RB1: variants seen among roughly 807,000 people sequenced by gnomAD.
RB1 encodes the protein RB transcriptional corepressor 1.
In RB1, 18 loss-of-function variants were observed where a neutral mutation model predicts 135.4. The ratio of observed to expected loss-of-function variants is 0.13; its 90% CI spans 0.09 to 0.20. The LOEUF (loss-of-function observed/expected upper bound fraction) is 0.20. Ranked by LOEUF, RB1 falls within the 10% of genes least tolerant of loss-of-function variation. The pLI, the probability that RB1 is intolerant of heterozygous loss-of-function variation, is 1.00. For synonymous variants in RB1, 365 were observed against 373.2 expected (o/e 0.98, Z 0.25); for missense variants, 868 against 1,110.0 (o/e 0.78, Z 3.10).
At chr13:48,411,208 C>A (rs1593479676) in intron 17 of RB1, 3 of 553,150 alleles carry the variant, frequency 5.4e-6, no homozygotes, top group Non-Finnish European at 3.2e-6. Flanking sequence ...GGAGTGGATA[C>A]ACAAATAAAA....
At position 48,315,674 on chromosome 13, in the gene RB1, T is replaced by C. The variant is rs7318438; in HGVS notation, c.264+8268T>C. 3.2e-3 allele frequency among the ~76,000 whole-genome samples: 487 copies of C among 152,334 alleles called. 2 individuals carry two copies. The highest frequency in any genetic ancestry group is 0.011 in the African/African-American group (457 of 41,576). On this transcript the variant is annotated intron_variant, in intron 2 of 26. Transcript: ENST00000267163. ...GCTGTGGATTTGTCATAGATGGCTC[T>C]TATTATTTTGAAGTATGTTCCTTCA...
At chr13:48,383,726 G>A (rs1177807509) in intron 17 of RB1, among the ~76,000 whole-genome samples, 1 of 151,926 alleles carries the variant, frequency 6.6e-6, no homozygotes, top group African/African-American at 2.4e-5. Flanking sequence ...ACTTGATAAG[G>A]AGTACTTAGA....
intron 17 of RB1, among the ~76,000 whole-genome samples, chr13:48,425,378 C>T (rs1949064944): frequency 6.6e-6 from 1 of 152,214 alleles, no homozygotes; most frequent in African/African-American, 2.4e-5. Context: ...CTCTGAATTC[C>T]TGGAAGATGT....
chr13:48,467,309 A>G (rs1406931899), intron 23 of RB1, among the ~76,000 whole-genome samples: 6 of 132,062 alleles, frequency 4.5e-5, no homozygotes, highest in African/African-American at 1.6e-4. Flanking sequence ...AGCCAAACTA[A>G]GCTTCATAAG....
chr13:48,424,659 C>T (rs1229648034), intron 17 of RB1, among the ~76,000 whole-genome samples: 3 of 152,152 alleles, frequency 2.0e-5, no homozygotes, highest in East Asian at 1.9e-4. Context: ...AATCATATCA[C>T]GTCTTTTCTA....
chr13:48,346,001 A>C (rs895527617), intron 4 of RB1, among the ~76,000 whole-genome samples: 4 of 151,118 alleles, frequency 2.6e-5, no homozygotes, highest in Non-Finnish European at 4.4e-5. Context: ...GTGGTGGAGG[A>C]TGAGAAAAAT....
chr13:48,456,178 A>C, intron 18 of RB1, 26 bp from the exon 19 acceptor site: 1 of 1,613,350 alleles, frequency 6.2e-7, no homozygotes, highest in Non-Finnish European at 8.5e-7. Context: ...ACTTGAAATG[A>C]AGACTTTTCC....
chr13:48,422,140 G>A (rs866561720), intron 17 of RB1, among the ~76,000 whole-genome samples: 2 of 152,124 alleles, frequency 1.3e-5, no homozygotes, highest in Non-Finnish European at 2.9e-5. Context: ...ATGATAGACA[G>A]GATAAAGAAA....
At chr13:48,417,304 A>C (rs1948928259) in intron 17 of RB1, 1 of 152,578 alleles carries the variant, frequency 6.6e-6, no homozygotes, top group Non-Finnish European at 1.5e-5. Context: ...GTGGACCTCC[A>C]GCAAATTCCA....
chr13:48,304,905 A>G (rs1490990042), intron 1 of RB1, among the ~76,000 whole-genome samples: 1 of 152,118 alleles, frequency 6.6e-6, no homozygotes, highest in Non-Finnish European at 1.5e-5. Context: ...TTGGCACAAA[A>G]TTAGTGGTTC....
chr13:48,347,600 C>CT (rs568539190), intron 4 of RB1, among the ~76,000 whole-genome samples: 59 of 151,430 alleles, frequency 3.9e-4, no homozygotes, highest in Non-Finnish European at 7.4e-4. Context: ...TTATTTATAC[C>CT]TTTTTTTTGA....
At chr13:48,475,530 G>T (rs769714828) in intron 24 of RB1, among the ~76,000 whole-genome samples, 1 of 152,244 alleles carries the variant, frequency 6.6e-6, no homozygotes, top group African/African-American at 2.4e-5. Context: ...TTTGCCCAGA[G>T]CAGGGACTCT....
At chr13:48,442,301 C>T (rs1593520710) in intron 17 of RB1, among the ~76,000 whole-genome samples, 1 of 152,032 alleles carries the variant, frequency 6.6e-6, no homozygotes, top group Non-Finnish European at 1.5e-5. Context: ...CCTGGGTTCA[C>T]GCCATTCTCC....
chr13:48,453,286 A>G (rs1260450689), intron 18 of RB1, among the ~76,000 whole-genome samples, 175 bp downstream of exon 18: 3 of 152,222 alleles, frequency 2.0e-5, no homozygotes, highest in Non-Finnish European at 4.4e-5. Context: ...CATATAAAAG[A>G]GTACAGAGTG....
At chr13:48,420,471 T>C (rs1303049806) in intron 17 of RB1, among the ~76,000 whole-genome samples, 1 of 152,170 alleles carries the variant, frequency 6.6e-6, no homozygotes, top group African/African-American at 2.4e-5. Flanking sequence ...CTTTGAAAAC[T>C]GGCACAAGAC....
intron 17 of RB1, among the ~76,000 whole-genome samples, chr13:48,414,150 G>A (rs1316170486): frequency 2.6e-5 from 4 of 151,938 alleles, no homozygotes; most frequent in African/African-American, 9.7e-5. Context: ...GAGTTTGAGA[G>A]CAGCCTGGCC....
At chr13:48,382,145 A>G (rs1415455317) in intron 17 of RB1, among the ~76,000 whole-genome samples, 2 of 152,138 alleles carry the variant, frequency 1.3e-5, no homozygotes. Context: ...AGTCTTTGCT[A>G]TTGTGAATAG....
intron 2 of RB1, among the ~76,000 whole-genome samples, chr13:48,322,945 G>A (rs1353244529): frequency 1.3e-5 from 2 of 151,682 alleles, no homozygotes; most frequent in Non-Finnish European, 2.9e-5. Flanking sequence ...ATTTCTATAC[G>A]TGTATTTATA....
chr13:48,411,604 G>T (rs571717200), intron 17 of RB1: 2 of 1,611,852 alleles, frequency 1.2e-6, no homozygotes, highest in Non-Finnish European at 1.7e-6. Flanking sequence ...AGAGTGATTG[G>T]GTACATTGTC....
Sources: gnomAD v4.1 joint callset for allele counts (sites outside exome capture counted in the v4.1 genomes callset) on GRCh38, gnomAD v4.1.1 for gene constraint, MANE v1.5 for transcripts, NCBI Gene and HGNC (gene_info 2026-07-23, HGNC 2026-07-21) for gene names.